The following SMTNL2 variants were observed in gnomAD, a reference collection of about 807,000 sequenced individuals.
SMTNL2 encodes the protein smoothelin-like protein 2.
A neutral mutation model predicts 44.1 loss-of-function variants in SMTNL2; 43 were observed. The ratio of observed to expected loss-of-function variants is 0.98; its 90% CI spans 0.76 to 1.26. SMTNL2 has a LOEUF of 1.26. Ranked by LOEUF, SMTNL2 falls within the 50% of genes most tolerant of loss-of-function variation. SMTNL2 has a pLI of 0.00. For missense variants in SMTNL2, 646 were observed against 670.2 expected (o/e 0.96, Z 0.40); for synonymous variants, 317 against 287.6 (o/e 1.10, Z -1.03).
chr17:4,586,338 T>A (rs1909344789), intron 1 of SMTNL2, among the ~76,000 whole-genome samples: 2 of 152,198 alleles, frequency 1.3e-5, no homozygotes, highest in South Asian at 4.1e-4. Context: ...TACGTGACCA[T>A]GGTCTAAAAT....
At chr17:4,584,505 G>A (rs1567629888), upstream of SMTNL2, 2 of 1,187,068 alleles carry the variant, frequency 1.7e-6, no homozygotes, top group Non-Finnish European at 2.1e-6. Context: ...GCAGCCCCTC[G>A]AGCGAAGCCA....
rs1286168999 is a variant in SMTNL2, at chr17:4,600,283, G to A, written c.1259+2960G>A. Among the ~76,000 whole-genome samples the A allele has an allele frequency of 3.3e-5, 5 of 152,184 alleles. No homozygotes were observed. The highest frequency in any genetic ancestry group is 7.2e-5 in the African/African-American group (3 of 41,434). ...GGTACTAGCTGTCAGTGTCCTCACC[G>A]ATGTTCCTGAGGTTTGCGGCAAAGG... On this transcript the variant is annotated intron_variant, in intron 7 of 7. Coordinates refer to ENST00000389313, the MANE Select transcript of SMTNL2 (RefSeq NM_001114974.2). This position sits in a 1 kb window ranked among gnomAD's most constrained non-coding sequence, Gnocchi z 4.7.
chr17:4,584,962 C>A lies in SMTNL2; in HGVS notation c.357C>A (p.Arg119=). 7.3e-7 allele frequency: 1 copy of A among 1,372,756 alleles called. No homozygotes were observed. The highest frequency in any genetic ancestry group is 9.4e-7 in the Non-Finnish European group (1 of 1,065,006). 85.0% of individuals were successfully genotyped at this position (1,372,756 alleles called of 1,614,324 possible). The change falls in exon 1 of 8, where the codon CGC becomes CGA. Residue 119 remains arginine, a synonymous_variant. Transcript: ENST00000389313. Reference sequence around the variant, plus strand: ...GCGCGCCCCGCCTGGGCAGCGCACGCTTCGCCAGCCACGCCACCTTCTCGC... The same window carrying A: ...GCGCGCCCCGCCTGGGCAGCGCACGATTCGCCAGCCACGCCACCTTCTCGC... ...PDRAPRLGSA[R]FASHATFSLS...
At chr17:4,601,114 G>A (rs546178022) in intron 7 of SMTNL2, among the ~76,000 whole-genome samples, 1 of 152,316 alleles carries the variant, frequency 6.6e-6, no homozygotes, top group South Asian at 2.1e-4. Flanking sequence ...CTTTAAAAAT[G>A]GTCGTCGGGA....
intron 7 of SMTNL2, among the ~76,000 whole-genome samples, chr17:4,604,721 G>A (rs1910197261): frequency 6.6e-6 from 1 of 152,198 alleles, no homozygotes. Context: ...CAGCAGGCTG[G>A]AGTGCAGTAG....
At position 4,597,199 on chromosome 17, in the gene SMTNL2, A is replaced by G; in HGVS notation, c.1135A>G (p.Ser379Gly). The change falls in exon 7 of 8, where the codon AGC becomes GGC. Residue 379 changes from serine to glycine, a missense_variant. By Grantham distance (56) the Ser-to-Gly change is moderately conservative (BLOSUM62 0). Transcript: ENST00000389313. ...CGTGGACCTGCAGAACTTCTCCTCCAGCTGGAGCGACGGCATGGCCTTCTG... is the reference window on the plus strand; with the variant it reads ...CGTGGACCTGCAGAACTTCTCCTCCGGCTGGAGCGACGGCATGGCCTTCTG... ...QHVDLQNFSS[S>G]WSDGMAFCAL... is the part of the protein sequence containing the mutation. 1 of 1,613,884 alleles carries G rather than the reference A, an allele frequency of 6.2e-7. No homozygotes were observed. The highest frequency in any genetic ancestry group is 8.5e-7 in the Non-Finnish European group (1 of 1,179,942).
intron 7 of SMTNL2, among the ~76,000 whole-genome samples, chr17:4,604,583 C>T (rs1023989007): frequency 6.6e-6 from 1 of 152,202 alleles, no homozygotes; most frequent in African/African-American, 2.4e-5. Flanking sequence ...TCTGGCTGGG[C>T]TCTCTGGGGA....
At chr17:4,597,389 G>T in intron 7 of SMTNL2, 66 bp downstream of exon 7, 1 of 1,583,298 alleles carries the variant, frequency 6.3e-7, no homozygotes, top group African/African-American at 1.3e-5. Flanking sequence ...TTCTTCCCCA[G>T]GTGGGGCATG....
intron 7 of SMTNL2, among the ~76,000 whole-genome samples, chr17:4,606,902 C>G (rs1910301432): frequency 6.6e-6 from 1 of 152,042 alleles, no homozygotes; most frequent in African/African-American, 2.4e-5. Flanking sequence ...AAGAGCAAAA[C>G]TCTGTCTCAA....
At chr17:4,589,352 T>G (rs182476488) in intron 1 of SMTNL2, among the ~76,000 whole-genome samples, 1,820 of 151,640 alleles carry the variant, frequency 0.012, 20 homozygotes, top group Non-Finnish European at 0.019. Context: ...GCAGGGTGGG[T>G]GAGGGGGCAC....
chr17:4,588,436 C>T (rs1333379306), intron 1 of SMTNL2, among the ~76,000 whole-genome samples: 1 of 152,190 alleles, frequency 6.6e-6, no homozygotes, highest in Non-Finnish European at 1.5e-5. Context: ...TGGGGGGTAC[C>T]AGGCCAGCTC....
Position 4,595,213 on chromosome 17 carries a change from G to C in SMTNL2, c.875G>C (p.Arg292Pro). Reference sequence around the variant, plus strand: ...CCGCCAGCCATAACTCAGGTCCATCGGCAGGGGGAGCGTCGCAGGGAGCTG... The same window carrying C: ...CCGCCAGCCATAACTCAGGTCCATCCGCAGGGGGAGCGTCGCAGGGAGCTG... ...PQPPAITQVH[R>P]QGERRRELVR... Residue 292 changes from arginine (R) to proline (P), a missense_variant, in exon 5 of 8, where the codon CGG becomes CCG. Coordinates refer to ENST00000389313, the MANE Select transcript of SMTNL2 (RefSeq NM_001114974.2). The surrounding 1 kb of genome is among the most constrained non-coding windows in gnomAD (Gnocchi z 5.1). 1 of 1,613,270 alleles carries C rather than the reference G, an allele frequency of 6.2e-7. No individual in the cohort carries two copies. Among genetic ancestry groups the C allele is most frequent in the South Asian group, 1.1e-5 (1 of 91,084 alleles).
chr17:4,604,245 T>C (rs906114333), intron 7 of SMTNL2, among the ~76,000 whole-genome samples: 4 of 152,208 alleles, frequency 2.6e-5, no homozygotes, highest in Non-Finnish European at 5.9e-5. Flanking sequence ...TGCCCTGGCC[T>C]GTCCCAGGGA....
intron 5 of SMTNL2, among the ~76,000 whole-genome samples, 157 bp from the exon 6 acceptor site, chr17:4,596,703 G>T (rs1398394516): frequency 6.6e-6 from 1 of 152,184 alleles, no homozygotes; most frequent in Non-Finnish European, 1.5e-5. Context: ...CGTGGGCACA[G>T]CTGAGCCCAC....
At chr17:4,596,468 C>T (rs1909820142) in intron 5 of SMTNL2, among the ~76,000 whole-genome samples, 1 of 152,216 alleles carries the variant, frequency 6.6e-6, no homozygotes, top group Non-Finnish European at 1.5e-5. Context: ...AAGAGGGGAG[C>T]TCAGAAGGAG....
chr17:4,605,731 G>A (rs894431769), intron 7 of SMTNL2, among the ~76,000 whole-genome samples: 3 of 152,168 alleles, frequency 2.0e-5, no homozygotes, highest in Non-Finnish European at 4.4e-5. Context: ...AGCTGCTGAA[G>A]GAAGGGCACT....
rs759765303 is a variant in SMTNL2, at chr17:4,592,954, T to G, written c.513T>G (p.Ile171Met). Residue 171 changes from isoleucine (I) to methionine (M), a missense_variant, in exon 3 of 8, where the codon ATT becomes ATG. By Grantham distance (10) the Ile-to-Met change is conservative. Coordinates refer to ENST00000389313, the MANE Select transcript of SMTNL2 (RefSeq NM_001114974.2). The surrounding 1 kb of genome is among the most constrained non-coding windows in gnomAD (Gnocchi z 4.5). ...GTCCAGGCGATGGACCCCCTGAGAT[T>G]GCCCAAAACTTCTCAGCACCAGATC... ...GAGPGDGPPEIAQNFSAPDPP... is the reference protein window; with the variant it reads ...GAGPGDGPPEMAQNFSAPDPP... 9 of 1,613,408 alleles carry G rather than the reference T, an allele frequency of 5.6e-6. No homozygotes were observed. In the South Asian group the frequency reaches 7.7e-5, roughly 14 times the overall value.
intron 7 of SMTNL2, among the ~76,000 whole-genome samples, chr17:4,602,388 T>A (rs1220727266): frequency 7.1e-6 from 1 of 141,256 alleles, no homozygotes; most frequent in East Asian, 2.3e-4. Context: ...AGTGGAATAA[T>A]CTCAGCTCAC....
Position 4,597,289 on chromosome 17 carries a change from CAGAAGAACTTCG to C in SMTNL2, c.1228_1239del (p.Lys410_Glu413del), listed in dbSNP as rs2150523363. On this transcript the variant is annotated inframe_deletion, in exon 7 of 8. Transcript: ENST00000389313. ...CAACTCCCTGAGCCCCACGCAGAGGCAGAAGAACTTCGAGCTGGCTTTCACCATGGCCGAGTG... is the reference window on the plus strand; with the variant it reads ...CAACTCCCTGAGCCCCACGCAGAGGCAGCTGGCTTTCACCATGGCCGAGTG... 2 of 1,614,154 alleles carry C rather than the reference CAGAAGAACTTCG, an allele frequency of 1.2e-6. No individual in the cohort carries two copies. Among genetic ancestry groups the C allele is most frequent in the East Asian group, 4.5e-5 (2 of 44,892 alleles).
Sources: gnomAD v4.1 joint callset for allele counts (sites outside exome capture counted in the v4.1 genomes callset) on GRCh38, gnomAD v4.1.1 for gene constraint, Gnocchi (gnomAD v3.1) non-coding constraint, MANE v1.5 for transcripts, NCBI Gene and HGNC (gene_info 2026-07-23, HGNC 2026-07-21) for gene names.